IFT88: variants seen among roughly 807,000 people sequenced by gnomAD.
The protein encoded by IFT88 is intraflagellar transport protein 88 homolog.
In IFT88, 74 loss-of-function variants were observed where a neutral mutation model predicts 119.5. The observed-to-expected ratio is 0.62, with a 90% confidence interval of 0.51 to 0.75. The LOEUF (loss-of-function observed/expected upper bound fraction) is 0.75. Ranked by LOEUF, IFT88 falls within the 30% of genes least tolerant of loss-of-function variation. The probability of loss-of-function intolerance (pLI) is 0.00; values close to 1 mark genes in which losing one functional copy is unlikely to be tolerated. For synonymous variants in IFT88, 279 were observed against 316.7 expected, an observed-to-expected ratio of 0.88 and a Z score of 1.26; for missense variants, 961 against 977.7, an observed-to-expected ratio of 0.98 and a Z score of 0.23.
intron 23 of IFT88, 105 bp from the exon 24 acceptor site, chr13:20,670,868 C>A: frequency 1.2e-6 from 1 of 839,396 alleles, no homozygotes. Context: ...ATGGGTTAGT[C>A]CTAAGGGTAA....
chr13:20,572,216 A>C (rs1415948788), intron 1 of IFT88, among the ~76,000 whole-genome samples: 2 of 151,880 alleles, frequency 1.3e-5, no homozygotes, highest in Non-Finnish European at 2.9e-5. Flanking sequence ...CAATCCATCT[A>C]TCAAGCCATC....
intron 24 of IFT88, among the ~76,000 whole-genome samples, chr13:20,689,419 A>C (rs1446045245): frequency 6.6e-6 from 1 of 152,232 alleles, no homozygotes; most frequent in African/African-American, 2.4e-5. Context: ...TGTTTCTGAC[A>C]TTCCACAGTA....
intron 15 of IFT88, 81 bp from the exon 16 acceptor site, chr13:20,630,935 G>A (rs1167725604): frequency 5.8e-6 from 5 of 861,072 alleles, no homozygotes; most frequent in Non-Finnish European, 9.5e-6. Context: ...TACCCTTCAG[G>A]AACACTGATC....
At position 20,690,760 on chromosome 13, in the gene IFT88, C is replaced by T. The variant is rs772013975; in HGVS notation, c.2298C>T (p.Leu766=). ...SSKGERLSAR[L]RALPGTNEPY... ...AAGGTGAACGACTAAGTGCCAGACT[C>T]AGAGCTTTACCTGGGACAAATGAAC... Residue 766 remains leucine (L), a synonymous_variant, in exon 25 of 26, where the codon CTC becomes CTT. Coordinates refer to ENST00000351808, the MANE Select transcript of IFT88 (RefSeq NM_006531.5). 66 of 1,613,802 alleles carry T rather than the reference C, an allele frequency of 4.1e-5. No individual in the cohort carries two copies. The highest frequency in any genetic ancestry group is 5.3e-5 in the Non-Finnish European group (62 of 1,179,848).
chr13:20,687,278 G>C (rs76220110), intron 24 of IFT88, among the ~76,000 whole-genome samples: 1,887 of 152,230 alleles, frequency 0.012, 41 homozygotes, highest in African/African-American at 0.043. Context: ...ATTAGAGATT[G>C]TGAGTTTCCT....
intron 20 of IFT88, among the ~76,000 whole-genome samples, chr13:20,653,233 G>A (rs1317405414): frequency 6.6e-6 from 1 of 152,140 alleles, no homozygotes; most frequent in Admixed American, 6.5e-5. Flanking sequence ...CCATCAAATC[G>A]AGTAGGAACT....
chr13:20,674,935 G>C (rs544272258), intron 24 of IFT88, among the ~76,000 whole-genome samples: 2 of 151,524 alleles, frequency 1.3e-5, no homozygotes, highest in East Asian at 3.9e-4. Context: ...GGATGGTCTC[G>C]ATCTCCTGAC....
intron 13 of IFT88, among the ~76,000 whole-genome samples, chr13:20,609,956 G>A (rs2044198314): frequency 6.6e-6 from 1 of 152,080 alleles, no homozygotes; most frequent in African/African-American, 2.4e-5. Context: ...TCTTGGTGAT[G>A]ACTGCCATCT....
chr13:20,592,575 T>G (rs534565444), intron 7 of IFT88, among the ~76,000 whole-genome samples, 171 bp downstream of exon 7: 1 of 152,270 alleles, frequency 6.6e-6, no homozygotes, highest in Non-Finnish European at 1.5e-5. Context: ...GTTCAAGCGA[T>G]TCTTCTGTCT....
In IFT88 at chr13:20,691,390, C is replaced by G; in HGVS notation, c.*215C>G. On this transcript the variant is annotated 3_prime_UTR_variant, in exon 26 of 26. Coordinates refer to ENST00000351808, the MANE Select transcript of IFT88 (RefSeq NM_006531.5). ...TACTTTAGGCCAGTGACTTCCTTAG[C>G]TTTTTGAAAACATTGACACACAGGA... is the stretch of plus-strand genomic sequence containing the variant. The G allele has an allele frequency of 2.6e-6, 1 of 390,970 alleles. No homozygotes were observed. Among genetic ancestry groups the G allele is most frequent in the Non-Finnish European group, 4.5e-6 (1 of 220,152 alleles). The allele number at this position is 390,970 out of a possible 1,614,324, so 24.2% of individuals were successfully genotyped here.
At chr13:20,637,306 G>GT (rs1319195839) in intron 16 of IFT88, among the ~76,000 whole-genome samples, 3 of 152,234 alleles carry the variant, frequency 2.0e-5, no homozygotes, top group Admixed American at 6.5e-5. Context: ...TTTTTAAAAA[G>GT]TTTAACGAGG....
At chr13:20,651,769 G>A (rs1194417253) in intron 20 of IFT88, among the ~76,000 whole-genome samples, 1 of 151,254 alleles carries the variant, frequency 6.6e-6, no homozygotes, top group African/African-American at 2.4e-5. Context: ...GTTTGTATAG[G>A]AAAAAAAATA....
rs4450251 is a variant in IFT88, at chr13:20,577,784, A to G, written c.90+3309A>G. Among the ~76,000 whole-genome samples, 102 of 152,238 alleles carry G rather than the reference A, an allele frequency of 6.7e-4. 1 individual carries two copies. The South Asian group carries it at 0.016, about 24-fold the overall frequency. On this transcript the variant is annotated intron_variant, in intron 2 of 25. Coordinates refer to ENST00000351808, the MANE Select transcript of IFT88 (RefSeq NM_006531.5). ...TGTTTTATTGAGGATTTTTGCATCA[A>G]TGTTCATCAGGGATGTTGGTCTATA...
rs2057868437 is a variant in IFT88 at position 20,685,936 on chromosome 13, A to G, written c.2243-4769A>G. On this transcript the variant is annotated intron_variant, in intron 24 of 25. Transcript: ENST00000351808. ...AACCTTTGATAGGAACTTACTTTAAAGAAATAATTTTGTACACACATATTG... is the reference window on the plus strand; with the variant it reads ...AACCTTTGATAGGAACTTACTTTAAGGAAATAATTTTGTACACACATATTG... Among the ~76,000 whole-genome samples, 3 of 152,272 alleles carry G rather than the reference A, an allele frequency of 2.0e-5. No individual in the cohort carries two copies. The South Asian group carries it at 6.2e-4, about 32-fold the overall frequency.
intron 15 of IFT88, among the ~76,000 whole-genome samples, chr13:20,629,309 G>A (rs1273999755): frequency 6.6e-6 from 1 of 152,124 alleles, no homozygotes; most frequent in African/African-American, 2.4e-5. Flanking sequence ...GCATCAATGA[G>A]GTAGTTTCTA....
intron 16 of IFT88, among the ~76,000 whole-genome samples, chr13:20,637,114 T>C (rs186254556): frequency 1.2e-3 from 177 of 152,226 alleles, no homozygotes; most frequent in Non-Finnish European, 1.7e-3. Context: ...GAAAACAGAT[T>C]AGTGGTTGCC....
At chr13:20,592,231 A>T in intron 6 of IFT88, 104 bp from the exon 7 acceptor site, 1 of 790,924 alleles carries the variant, frequency 1.3e-6, no homozygotes. Flanking sequence ...AAACCATTTA[A>T]TAAAGAGGTA....
intron 24 of IFT88, among the ~76,000 whole-genome samples, chr13:20,675,446 T>G (rs2056542852): frequency 6.6e-6 from 1 of 152,198 alleles, no homozygotes; most frequent in African/African-American, 2.4e-5. Flanking sequence ...TAGAAGATAG[T>G]GAACAGCACC....
chr13:20,630,359 A>T (rs1300600613), intron 15 of IFT88, among the ~76,000 whole-genome samples: 1 of 152,100 alleles, frequency 6.6e-6, no homozygotes. Flanking sequence ...TATTTTCTAT[A>T]ATCTTTCTAG....
Sources: allele counts gnomAD v4.1 joint callset (sites outside exome capture counted in the v4.1 genomes callset), GRCh38; gene constraint gnomAD v4.1.1; transcripts MANE v1.5; gene names NCBI Gene and HGNC (gene_info 2026-07-23, HGNC 2026-07-21).